The following METTL9 variants were observed in gnomAD, a reference collection of about 807,000 sequenced individuals.
METTL9 encodes methyltransferase 9, His-X-His N1(pi)-histidine.
A neutral mutation model predicts 36.0 loss-of-function variants in METTL9; 10 were observed. The ratio of observed to expected loss-of-function variants is 0.28; its 90% CI spans 0.17 to 0.47. METTL9 has a LOEUF of 0.47. Among genes scored for constraint, METTL9 ranks in the 20% least tolerant of loss-of-function variants. The probability of loss-of-function intolerance (pLI) is 0.99; values close to 1 mark genes in which losing one functional copy is unlikely to be tolerated. For synonymous variants in METTL9, 175 were observed against 149.7 expected, an observed-to-expected ratio of 1.17 and a Z score of -1.23; for missense variants, 246 against 383.5, an observed-to-expected ratio of 0.64 and a Z score of 3.00.
At chr16:21,637,814 C>T (rs568052010) in intron 4 of METTL9, among the ~76,000 whole-genome samples, 5 of 152,378 alleles carry the variant, frequency 3.3e-5, no homozygotes, top group Admixed American at 6.5e-5. Flanking sequence ...CCCCACAGCA[C>T]AGCGGCGGGC....
intron 3 of METTL9, among the ~76,000 whole-genome samples, chr16:21,621,030 C>T (rs1169282272): frequency 5.3e-5 from 8 of 151,818 alleles, no homozygotes; most frequent in Admixed American, 2.0e-4. Context: ...GAGCATGTGG[C>T]GTGATTATAG....
At chr16:21,600,273 T>A (rs1459895914) in intron 1 of METTL9, among the ~76,000 whole-genome samples, 9 of 152,132 alleles carry the variant, frequency 5.9e-5, no homozygotes, top group Admixed American at 2.6e-4. Flanking sequence ...CACCGAGGCC[T>A]GAGACTGAAG....
At chr16:21,643,016 T>G in intron 4 of METTL9, 1 of 1,222,870 alleles carries the variant, frequency 8.2e-7, no homozygotes, top group Non-Finnish European at 1.2e-6. Context: ...GGCAGCTTAG[T>G]TTTTTCAAAC....
At position 21,599,958 on chromosome 16, in the gene METTL9, C is replaced by T. The variant is rs1025547344; in HGVS notation, c.165+60C>T. ...GGCGGCCCGGCCTTCCCGCGCTGGG[C>T]CCGGCTATTGTGCGGGACGGCTCCG... On this transcript the variant is annotated intron_variant, in intron 1 of 4. Coordinates refer to ENST00000358154, the MANE Select transcript of METTL9 (RefSeq NM_016025.5). The surrounding 1 kb of genome is among the most constrained non-coding windows in gnomAD (Gnocchi z 4.4). The T allele has an allele frequency of 6.1e-5, 77 of 1,263,448 alleles. No individual in the cohort carries two copies. The highest frequency in any genetic ancestry group is 7.2e-5 in the Non-Finnish European group (72 of 1,005,296). 78.3% of individuals were successfully genotyped at this position (1,263,448 alleles called of 1,614,324 possible).
chr16:21,619,796 T>C (rs1965649355), intron 3 of METTL9, among the ~76,000 whole-genome samples: 1 of 152,092 alleles, frequency 6.6e-6, no homozygotes, highest in South Asian at 2.1e-4. Context: ...ATATATTGGC[T>C]CAGTGCAGAA....
intron 3 of METTL9, among the ~76,000 whole-genome samples, chr16:21,623,310 C>T (rs1483663123): frequency 2.6e-5 from 4 of 152,116 alleles, no homozygotes; most frequent in Non-Finnish European, 5.9e-5. Context: ...CAGCTAAGTG[C>T]TTTGTGTTTT....
intron 4 of METTL9, chr16:21,643,061 A>G: frequency 2.6e-6 from 4 of 1,564,210 alleles, no homozygotes; most frequent in East Asian, 2.2e-5. Context: ...TTTTTTTGAC[A>G]TTTTACACTT....
intron 1 of METTL9, among the ~76,000 whole-genome samples, chr16:21,609,956 GGT>G (rs200556844): frequency 1.3e-5 from 2 of 151,678 alleles, no homozygotes; most frequent in Admixed American, 1.3e-4. Flanking sequence ...TTTAGGGAGG[GGT>G]GTGTGTGTGT....
rs768404821 is a variant in METTL9 at position 21,612,755 on chromosome 16, G to A, written c.276G>A (p.Ser92=). 10 of 1,612,934 alleles carry A rather than the reference G, an allele frequency of 6.2e-6. No individual in the cohort carries two copies. The highest frequency in any genetic ancestry group is 4.5e-5 in the East Asian group (2 of 44,816). ...TCTTAAACAACAGCATTGAGAAATCGGGCTGGCTATTTATCCAATTATATC... is the reference window on the plus strand; with the variant it reads ...TCTTAAACAACAGCATTGAGAAATCAGGCTGGCTATTTATCCAATTATATC... ...QIFLNNSIEK[S]GWLFIQLYHS... Residue 92 remains serine (S), a synonymous_variant, in exon 2 of 5, where the codon TCG becomes TCA. Transcript: ENST00000358154.
intron 4 of METTL9, 31 bp downstream of exon 4, chr16:21,625,146 T>C (rs759903833): frequency 6.2e-7 from 1 of 1,606,506 alleles, no homozygotes; most frequent in Non-Finnish European, 8.5e-7. Flanking sequence ...TAGCTCTTAC[T>C]GAGGATAGCT....
intron 4 of METTL9, 120 bp from the exon 5 acceptor site, chr16:21,655,107 C>T: frequency 1.2e-6 from 1 of 808,414 alleles, no homozygotes; most frequent in Non-Finnish European, 2.0e-6. Flanking sequence ...AAAGAGGTAA[C>T]TCATGAAGCC....
intron 3 of METTL9, among the ~76,000 whole-genome samples, chr16:21,619,587 ATTTTTT>A (rs35728063): frequency 1.4e-4 from 18 of 124,218 alleles, no homozygotes; most frequent in African/African-American, 4.2e-4. Context: ...TGCCCGGCTA[ATTTTTT>A]TTTTTTTTTT....
At chr16:21,628,543 G>C (rs943784979) in intron 4 of METTL9, among the ~76,000 whole-genome samples, 8 of 151,984 alleles carry the variant, frequency 5.3e-5, no homozygotes, top group African/African-American at 1.9e-4. Context: ...GCCCAGACGG[G>C]AGTGCAGTGG....
chr16:21,620,235 T>C (rs1424770951), intron 3 of METTL9, among the ~76,000 whole-genome samples: 1 of 152,062 alleles, frequency 6.6e-6, no homozygotes, highest in Non-Finnish European at 1.5e-5. Context: ...ATAAGGAAGG[T>C]GTGAGTTTGA....
intron 4 of METTL9, among the ~76,000 whole-genome samples, chr16:21,646,166 T>C (rs942331020): frequency 6.6e-6 from 1 of 151,752 alleles, no homozygotes; most frequent in African/African-American, 2.4e-5. Context: ...CCCTTTTTTT[T>C]TCTCGGGAAT....
intron 4 of METTL9, among the ~76,000 whole-genome samples, chr16:21,629,478 G>T (rs1965892546): frequency 6.6e-6 from 1 of 152,134 alleles, no homozygotes; most frequent in Non-Finnish European, 1.5e-5. Flanking sequence ...GGAATTGGTG[G>T]GTTCTTGGTC....
intron 4 of METTL9, among the ~76,000 whole-genome samples, chr16:21,644,982 T>C (rs1966387524): frequency 6.6e-6 from 1 of 152,224 alleles, no homozygotes; most frequent in African/African-American, 2.4e-5. Context: ...ATTCTGGAAA[T>C]AGAGTTATTG....
intron 2 of METTL9, among the ~76,000 whole-genome samples, chr16:21,615,771 C>T (rs1965540720): frequency 6.6e-6 from 1 of 152,218 alleles, no homozygotes; most frequent in South Asian, 2.1e-4. Context: ...CCAGTAGCCT[C>T]TTTCTGCTGT....
chr16:21,612,924 G>A, intron 2 of METTL9, 89 bp downstream of exon 2: 1 of 1,152,934 alleles, frequency 8.7e-7, no homozygotes, highest in Non-Finnish European at 1.2e-6. Flanking sequence ...TGTTCAGCAT[G>A]TTGACTACCT....
Sources: allele counts gnomAD v4.1 joint callset (sites outside exome capture counted in the v4.1 genomes callset), GRCh38; gene constraint gnomAD v4.1.1; non-coding constraint Gnocchi (gnomAD v3.1); transcripts MANE v1.5; gene names NCBI Gene and HGNC (gene_info 2026-07-23, HGNC 2026-07-21).